DLGAP2: variants seen among roughly 807,000 people sequenced by gnomAD.
DLGAP2 encodes the protein disks large-associated protein 2.
A neutral mutation model predicts 100.3 loss-of-function variants in DLGAP2; 26 were observed. That is an observed-to-expected ratio of 0.26 (90% CI 0.19 to 0.36). The LOEUF (loss-of-function observed/expected upper bound fraction) is 0.36. Among genes scored for constraint, DLGAP2 ranks in the 10% least tolerant of loss-of-function variants. The probability of loss-of-function intolerance (pLI) is 1.00; values close to 1 mark genes in which losing one functional copy is unlikely to be tolerated. For missense variants in DLGAP2, 1,858 were observed against 1,453.2 expected (o/e 1.28, Z -4.53); for synonymous variants, 886 against 630.1 (o/e 1.41, Z -6.08).
chr8:859,888 CAT>C (rs1191349366), intron 1 of DLGAP2, among the ~76,000 whole-genome samples: 4 of 152,118 alleles, frequency 2.6e-5, no homozygotes, highest in African/African-American at 4.8e-5. Context: ...TAAACGCACA[CAT>C]GAGACACATG....
chr8:1,195,324 G>C (rs1797728658), intron 2 of DLGAP2, among the ~76,000 whole-genome samples: 1 of 152,230 alleles, frequency 6.6e-6, no homozygotes, highest in Non-Finnish European at 1.5e-5. Flanking sequence ...CTGAAGTCAG[G>C]GCTGTCTACC....
chr8:1,094,518 G>C lies in DLGAP2; in HGVS notation c.74-164333G>C, dbSNP rs537818273. On this transcript the variant is annotated intron_variant, in intron 2 of 14. Transcript: ENST00000637795. ...CAAGTGCTTTTCTCTGTTTTGTGCT[G>C]AGGCTTAAATTTCTCAGTCCTTTGA... Among the ~76,000 whole-genome samples the C allele has an allele frequency of 3.3e-5, 5 of 152,322 alleles. No individual in the cohort carries two copies. In the East Asian group the frequency reaches 9.7e-4, roughly 29 times the overall value.
chr8:1,512,425 G>GCGTGGGTGTCAGC (rs1800198170), intron 4 of DLGAP2, among the ~76,000 whole-genome samples: 1 of 152,190 alleles, frequency 6.6e-6, no homozygotes, highest in African/African-American at 2.4e-5. Flanking sequence ...GACGGGGCCA[G>GCGTGGGTGTCAGC]CGTGGGTGTC....
intron 2 of DLGAP2, among the ~76,000 whole-genome samples, chr8:947,253 T>C: frequency 6.6e-6 from 1 of 152,114 alleles, no homozygotes; most frequent in South Asian, 2.1e-4. Context: ...ACCAGGAATC[T>C]CCCGGGGTCC....
intron 1 of DLGAP2, among the ~76,000 whole-genome samples, chr8:871,609 G>C (rs553093058): frequency 6.6e-6 from 1 of 152,278 alleles, no homozygotes; most frequent in African/African-American, 2.4e-5. Flanking sequence ...CTGACATGAT[G>C]CTCAATGGAA....
At chr8:839,934 C>T (rs373891814) in intron 1 of DLGAP2, among the ~76,000 whole-genome samples, 4 of 151,818 alleles carry the variant, frequency 2.6e-5, no homozygotes, top group Admixed American at 6.6e-5. Flanking sequence ...CGCATCTACA[C>T]GGTGCACACC....
chr8:984,648 G>A (rs891520116), intron 2 of DLGAP2, among the ~76,000 whole-genome samples: 8 of 152,192 alleles, frequency 5.3e-5, no homozygotes, highest in African/African-American at 1.9e-4. Context: ...AAAGAGCACG[G>A]CCTCCCAGTC....
At position 1,457,341 on chromosome 8, in the gene DLGAP2, AT is replaced by A. The variant is rs201269185; in HGVS notation, c.107-44022del. Among the ~76,000 whole-genome samples, 741 of 152,280 alleles carry A rather than the reference AT, an allele frequency of 4.9e-3. 8 individuals are homozygous for A. Among genetic ancestry groups the A allele is most frequent in the African/African-American group, 0.017 (711 of 41,560 alleles). On this transcript the variant is annotated intron_variant, in intron 3 of 14. Transcript: ENST00000637795. ...GAGAGAAAACAAACGTCTCCACTAG[AT>A]TTCTTCATTGTTCCTGCTCCTGCTC...
At chr8:750,608 C>T (rs1820765391) in intron 1 of DLGAP2, among the ~76,000 whole-genome samples, 1 of 152,172 alleles carries the variant, frequency 6.6e-6, no homozygotes, top group Admixed American at 6.5e-5. Context: ...TACAAGTGAG[C>T]TATTATTTTA....
chr8:1,476,772 G>A (rs1384157930), intron 3 of DLGAP2, among the ~76,000 whole-genome samples: 4 of 147,026 alleles, frequency 2.7e-5, no homozygotes, highest in East Asian at 2.0e-4. Flanking sequence ...GAGTGCTGTC[G>A]GCCACCCACC....
chr8:1,459,625 C>G (rs1005779947), intron 3 of DLGAP2, among the ~76,000 whole-genome samples: 1 of 151,552 alleles, frequency 6.6e-6, no homozygotes, highest in Non-Finnish European at 1.5e-5. Flanking sequence ...GCCTAGAGCA[C>G]TCACAGAGCT....
At chr8:1,120,442 A>T (rs1199822780) in intron 2 of DLGAP2, among the ~76,000 whole-genome samples, 2 of 152,158 alleles carry the variant, frequency 1.3e-5, no homozygotes, top group South Asian at 2.1e-4. Flanking sequence ...ATGACTGTCC[A>T]TTCTAGACCC....
chr8:1,222,657 G>A (rs1030924900), intron 2 of DLGAP2, among the ~76,000 whole-genome samples: 1 of 152,122 alleles, frequency 6.6e-6, no homozygotes, highest in Non-Finnish European at 1.5e-5. Context: ...GAGGCTGCTG[G>A]TGGGTGCATG....
At chr8:1,532,921 C>T (rs771272887) in intron 4 of DLGAP2, among the ~76,000 whole-genome samples, 7 of 152,104 alleles carry the variant, frequency 4.6e-5, no homozygotes, top group African/African-American at 1.2e-4. Context: ...TTCCACCTGC[C>T]GAGCACCACG....
intron 2 of DLGAP2, among the ~76,000 whole-genome samples, chr8:1,157,187 C>A (rs1356881079): frequency 6.6e-6 from 1 of 152,110 alleles, no homozygotes; most frequent in African/African-American, 2.4e-5. Flanking sequence ...CTGTGATCAG[C>A]CTGTGGGTTC....
chr8:783,190 G>A (rs928758639), intron 1 of DLGAP2, among the ~76,000 whole-genome samples: 4 of 152,148 alleles, frequency 2.6e-5, no homozygotes, highest in African/African-American at 9.7e-5. Context: ...TAATACATGT[G>A]TCTTTTTTGC....
chr8:1,289,758 G>T (rs938938698), intron 3 of DLGAP2, among the ~76,000 whole-genome samples: 1 of 152,172 alleles, frequency 6.6e-6, no homozygotes, highest in Non-Finnish European at 1.5e-5. Flanking sequence ...GGCCTCCCCC[G>T]CGAATGCAGG....
At chr8:1,286,755 C>G (rs1340470715) in intron 3 of DLGAP2, among the ~76,000 whole-genome samples, 1 of 152,230 alleles carries the variant, frequency 6.6e-6, no homozygotes, top group South Asian at 2.1e-4. Context: ...AAAGTGCACC[C>G]TCTGTGCTGT....
chr8:1,069,350 C>CGCGAGG (rs1386307397), intron 2 of DLGAP2, among the ~76,000 whole-genome samples: 3 of 152,100 alleles, frequency 2.0e-5, no homozygotes, highest in East Asian at 3.9e-4. Flanking sequence ...GTGGACAGGT[C>CGCGAGG]GCGAGGACAC....
Sources: gnomAD v4.1 joint callset for allele counts (sites outside exome capture counted in the v4.1 genomes callset) on GRCh38, gnomAD v4.1.1 for gene constraint, MANE v1.5 for transcripts, NCBI Gene and HGNC (gene_info 2026-07-23, HGNC 2026-07-21) for gene names.